PACRG: variants seen among roughly 807,000 people sequenced by gnomAD.
The protein encoded by PACRG is parkin coregulated gene protein.
PACRG carries 29 observed loss-of-function variants against 29.7 expected under a neutral mutation model. The ratio of observed to expected loss-of-function variants is 0.98; its 90% confidence interval spans 0.73 to 1.33. PACRG has a LOEUF of 1.33. Ranked by LOEUF, PACRG falls within the 40% of genes most tolerant of loss-of-function variation. The probability of loss-of-function intolerance (pLI) is 0.00; values close to 1 mark genes in which losing one functional copy is unlikely to be tolerated. For synonymous variants in PACRG, 116 were observed against 118.7 expected, an observed-to-expected ratio of 0.98 and a Z score of 0.15; for missense variants, 279 against 316.2, an observed-to-expected ratio of 0.88 and a Z score of 0.89.
At chr6:163,110,161 C>T (rs1023269498) in intron 4 of PACRG, among the ~76,000 whole-genome samples, 3 of 152,198 alleles carry the variant, frequency 2.0e-5, no homozygotes, top group African/African-American at 7.2e-5. Flanking sequence ...GGCAATGTCT[C>T]CTGAAGGCTG....
At chr6:163,267,711 G>C (rs1003853469) in intron 4 of PACRG, among the ~76,000 whole-genome samples, 1 of 152,138 alleles carries the variant, frequency 6.6e-6, no homozygotes, top group South Asian at 2.1e-4. Context: ...TTTATTCTTA[G>C]AACAATCGTA....
Position 162,981,305 on chromosome 6 carries a change from A to ATATATATATATTTTTTTTT in PACRG, c.292-80844_292-80843insATATATATATTTTTTTTTT, listed in dbSNP as rs925663285. Reference sequence around the variant, plus strand: ...ATGTATAAAACATATATATATATATATTTACAATGGCAAAAATATAGAACC... The same window carrying ATATATATATATTTTTTTTT: ...ATGTATAAAACATATATATATATATATATATATATATTTTTTTTTTTTACAATGGCAAAAATATAGAACC... On this transcript the variant is annotated intron_variant, in intron 2 of 4. Coordinates refer to ENST00000366888, the MANE Select transcript of PACRG (RefSeq NM_001080379.2). Among the ~76,000 whole-genome samples, 510 of 149,130 alleles carry ATATATATATATTTTTTTTT rather than the reference A, an allele frequency of 3.4e-3. 3 individuals carry two copies. The highest frequency in any genetic ancestry group is 0.012 in the African/African-American group (472 of 40,328).
rs1418744158 is a variant in PACRG at position 163,062,271 on chromosome 6, G to A, written c.413G>A (p.Gly138Asp). ...GGAATCCACGACATGCTGGAACACG[G>A]TGGGAACAAGATCCTACCTGTCCTT... ...RQGIHDMLEHGGNKILPVLPQ... is the reference protein window; with the variant it reads ...RQGIHDMLEHDGNKILPVLPQ... Residue 138 changes from glycine (G) to aspartate (D), a missense_variant, in exon 3 of 5, where the codon GGT (glycine) becomes GAT (aspartate). Gly to Asp is a moderately conservative substitution (Grantham distance 94). Coordinates refer to ENST00000366888, the MANE Select transcript of PACRG (RefSeq NM_001080379.2). 6.2e-7 allele frequency: 1 copy of A among 1,614,032 alleles called. No homozygotes were observed. The highest frequency in any genetic ancestry group is 8.5e-7 in the Non-Finnish European group (1 of 1,180,038).
intron 1 of PACRG, among the ~76,000 whole-genome samples, chr6:162,806,839 G>A (rs970075824): frequency 2.6e-5 from 4 of 152,152 alleles, no homozygotes; most frequent in African/African-American, 9.7e-5. Context: ...AAACTTCAAA[G>A]CCAAGCATTG....
chr6:162,925,879 G>T (rs776471279), intron 2 of PACRG, among the ~76,000 whole-genome samples: 3 of 152,042 alleles, frequency 2.0e-5, no homozygotes, highest in Non-Finnish European at 4.4e-5. Flanking sequence ...TTTAGCAGAC[G>T]ACATGATCCT....
chr6:162,761,357 C>T (rs1045988064), intron 1 of PACRG, among the ~76,000 whole-genome samples: 2 of 152,084 alleles, frequency 1.3e-5, no homozygotes, highest in African/African-American at 4.8e-5. Context: ...AATTATATTT[C>T]TTTTTTATTT....
At chr6:162,975,490 C>A (rs1212100869) in intron 2 of PACRG, among the ~76,000 whole-genome samples, 1 of 152,196 alleles carries the variant, frequency 6.6e-6, no homozygotes, top group Non-Finnish European at 1.5e-5. Context: ...TTGTTTCACA[C>A]TTTAATGCAA....
At chr6:163,163,206 C>A in intron 4 of PACRG, among the ~76,000 whole-genome samples, 1 of 152,164 alleles carries the variant, frequency 6.6e-6, no homozygotes, top group South Asian at 2.1e-4. Flanking sequence ...CAACTATTGC[C>A]ACACCTACTT....
chr6:163,001,167 T>C (rs1299252447), intron 2 of PACRG, among the ~76,000 whole-genome samples: 1 of 152,154 alleles, frequency 6.6e-6, no homozygotes, highest in African/African-American at 2.4e-5. Flanking sequence ...GACTCTGAAA[T>C]GGGTGGGTTG....
rs539224579 is a variant in PACRG, at chr6:163,100,693, T to A, written c.613+11285T>A. 8 of 762,696 alleles carry A rather than the reference T, an allele frequency of 1.0e-5. No homozygotes were observed. In the African/African-American group the frequency reaches 1.3e-4, roughly 13 times the overall value. The allele number at this position is 762,696 out of a possible 1,614,324, so 47.2% of individuals were successfully genotyped here. ...AAATAGGAAACTGTTGGAGAAATGT[T>A]CCTCTTAGTATGAAATCAGCTTTCC... On this transcript the variant is annotated intron_variant, in intron 4 of 4. Coordinates refer to ENST00000366888, the MANE Select transcript of PACRG (RefSeq NM_001080379.2).
chr6:163,166,128 T>C (rs1778794552), intron 4 of PACRG: 2 of 456,158 alleles, frequency 4.4e-6, no homozygotes, highest in South Asian at 3.1e-5. Context: ...GCGCGGGGTT[T>C]CTGGGCAGCG....
At chr6:163,280,080 C>T (rs1784178763) in intron 4 of PACRG, among the ~76,000 whole-genome samples, 1 of 152,188 alleles carries the variant, frequency 6.6e-6, no homozygotes, top group South Asian at 2.1e-4. Flanking sequence ...GCCAGCTGGC[C>T]CTTCCTTCAC....
At chr6:162,802,738 G>A in intron 1 of PACRG, among the ~76,000 whole-genome samples, 1 of 151,810 alleles carries the variant, frequency 6.6e-6, no homozygotes, top group African/African-American at 2.4e-5. Flanking sequence ...TTTTCAGATG[G>A]ATACTTTCAG....
At chr6:163,219,961 A>G (rs1781511933) in intron 4 of PACRG, among the ~76,000 whole-genome samples, 2 of 152,162 alleles carry the variant, frequency 1.3e-5, no homozygotes, top group Admixed American at 1.3e-4. Context: ...CCCTCCTCCC[A>G]TATCTTACCT....
chr6:162,816,416 G>A (rs1443704784), intron 2 of PACRG, among the ~76,000 whole-genome samples: 2 of 152,072 alleles, frequency 1.3e-5, no homozygotes, highest in African/African-American at 4.8e-5. Flanking sequence ...GCAGTGACAC[G>A]ATCTTGGCTC....
At chr6:163,061,558 G>A (rs991197501) in intron 2 of PACRG, among the ~76,000 whole-genome samples, 9 of 152,092 alleles carry the variant, frequency 5.9e-5, no homozygotes, top group Non-Finnish European at 8.8e-5. Context: ...GTGGTCCCAG[G>A]TTCAGCCCAC....
At chr6:162,734,778 T>C (rs1192214363) in intron 1 of PACRG, among the ~76,000 whole-genome samples, 1 of 152,208 alleles carries the variant, frequency 6.6e-6, no homozygotes, top group Non-Finnish European at 1.5e-5. Context: ...AACAGTTCTC[T>C]CACATATTGT....
intron 1 of PACRG, among the ~76,000 whole-genome samples, chr6:162,789,521 C>T (rs572493125): frequency 3.9e-5 from 6 of 152,208 alleles, no homozygotes; most frequent in African/African-American, 1.4e-4. Context: ...CTTTCAAAGT[C>T]TTAGTTTCAC....
intron 4 of PACRG, among the ~76,000 whole-genome samples, chr6:163,236,594 G>A (rs1175061711): frequency 6.6e-6 from 1 of 152,074 alleles, no homozygotes; most frequent in African/African-American, 2.4e-5. Context: ...CCTACCCTCG[G>A]GTGAATAAAG....
Sources: allele counts gnomAD v4.1 joint callset (sites outside exome capture counted in the v4.1 genomes callset), GRCh38; gene constraint gnomAD v4.1.1; transcripts MANE v1.5; gene names NCBI Gene and HGNC (gene_info 2026-07-23, HGNC 2026-07-21).